MAP2K5: variants seen among roughly 807,000 people sequenced by gnomAD.
MAP2K5 encodes mitogen-activated protein kinase kinase 5.
Under a neutral mutation model 83.1 loss-of-function variants are expected in MAP2K5, and 49 were observed. The ratio of observed to expected loss-of-function variants is 0.59; its 90% CI spans 0.47 to 0.75. The LOEUF (loss-of-function observed/expected upper bound fraction) is 0.75, where lower values mean the gene tolerates loss of function less well. Among genes scored for constraint, MAP2K5 ranks in the 30% least tolerant of loss-of-function variants. The probability of loss-of-function intolerance (pLI) is 0.00; values close to 1 mark genes in which losing one functional copy is unlikely to be tolerated. For synonymous variants in MAP2K5, 202 were observed against 191.8 expected (o/e 1.05, Z -0.44); for missense variants, 457 against 557.5 (o/e 0.82, Z 1.82).
rs780240732 is a variant in MAP2K5, at chr15:67,720,699, G to T, written c.1045-7217G>T. Among the ~76,000 whole-genome samples the T allele has an allele frequency of 1.3e-5, 2 of 152,100 alleles. No homozygotes were observed. Among genetic ancestry groups the T allele is most frequent in the Non-Finnish European group, 2.9e-5 (2 of 68,012 alleles). ...AAATGAGGAAGTTGCCTTGCAGAGCGCTATCAATCACTCAGTGACCATAAC... is the reference window on the plus strand; with the variant it reads ...AAATGAGGAAGTTGCCTTGCAGAGCTCTATCAATCACTCAGTGACCATAAC... On this transcript the variant is annotated intron_variant, in intron 16 of 21. Coordinates refer to ENST00000178640, the MANE Select transcript of MAP2K5 (RefSeq NM_145160.3). This position sits in a 1 kb window ranked among gnomAD's most constrained non-coding sequence, Gnocchi z 5.7.
In MAP2K5 at chr15:67,768,843, A is replaced by G. The variant is rs1469875287; in HGVS notation, c.1135-759A>G. On this transcript the variant is annotated intron_variant, in intron 19 of 21. Coordinates refer to ENST00000178640, the MANE Select transcript of MAP2K5 (RefSeq NM_145160.3). The surrounding 1 kb of genome is among the most constrained non-coding windows in gnomAD (Gnocchi z 4.0). ...CTCTGTCATTCTTGGAAAAACTCCT[A>G]AATTCTTAAAGCCTTCCTTTGCAAA... is the stretch of plus-strand genomic sequence containing the variant. Among the ~76,000 whole-genome samples the G allele has an allele frequency of 6.6e-6, 1 of 152,152 alleles. No individual in the cohort carries two copies. Among genetic ancestry groups the G allele is most frequent in the Non-Finnish European group, 1.5e-5 (1 of 68,018 alleles).
intron 8 of MAP2K5, among the ~76,000 whole-genome samples, chr15:67,616,378 T>C (rs2086055405): frequency 6.6e-6 from 1 of 152,212 alleles, no homozygotes; most frequent in South Asian, 2.1e-4. Flanking sequence ...TTTTAGACAA[T>C]GATTTATTTG....
Position 67,802,733 on chromosome 15 carries a change from C to T in MAP2K5, c.1243-3913C>T, listed in dbSNP as rs898528752. The stretch of plus-strand genomic sequence containing the variant: ...GCGGTCACCGTGGGTGGAAGATGCT[C>T]TTGACAAGCATCTGTATTGGTGCCT... On this transcript the variant is annotated intron_variant, in intron 21 of 21. Transcript: ENST00000178640. The surrounding 1 kb of genome is among the most constrained non-coding windows in gnomAD (Gnocchi z 5.0). Among the ~76,000 whole-genome samples the T allele has an allele frequency of 6.6e-6, 1 of 152,236 alleles. No homozygotes were observed.
chr15:67,702,894 C>G lies in MAP2K5; in HGVS notation c.973-443C>G, dbSNP rs563576943. Among the ~76,000 whole-genome samples the G allele has an allele frequency of 1.3e-5, 2 of 152,268 alleles. No individual in the cohort carries two copies. Among genetic ancestry groups the G allele is most frequent in the South Asian group, 4.1e-4 (2 of 4,822 alleles). The stretch of plus-strand genomic sequence containing the variant: ...CAAATAAAAAATTAAAAGAAACCCT[C>G]CTGTTCCAGACCAATCTATCAAAAT... On this transcript the variant is annotated intron_variant, in intron 15 of 21. Coordinates refer to ENST00000178640, the MANE Select transcript of MAP2K5 (RefSeq NM_145160.3). This position sits in a 1 kb window ranked among gnomAD's most constrained non-coding sequence, Gnocchi z 4.6.
At chr15:67,674,314 G>A (rs940088953) in intron 13 of MAP2K5, among the ~76,000 whole-genome samples, 1 of 152,092 alleles carries the variant, frequency 6.6e-6, no homozygotes, top group Non-Finnish European at 1.5e-5. Flanking sequence ...GGTCTGGAAG[G>A]AGGCATTTAT....
chr15:67,767,281 C>T (rs2141297545), intron 19 of MAP2K5, among the ~76,000 whole-genome samples: 1 of 152,302 alleles, frequency 6.6e-6, no homozygotes, highest in Admixed American at 6.5e-5. Flanking sequence ...CATTAATTTA[C>T]TTTTGATATC....
In MAP2K5 at chr15:67,693,590, T is replaced by A. The variant is rs759893246; in HGVS notation, c.972+22T>A. ...GGCGGTAAGTAAACTTATGCAAAAA[T>A]AATGTTTAAAACCAACATCTTTATC... On this transcript the variant is annotated intron_variant, in intron 15 of 21. Transcript: ENST00000178640. 4 of 1,571,892 alleles carry A rather than the reference T, an allele frequency of 2.5e-6. No individual in the cohort carries two copies. In the Admixed American group the frequency reaches 5.0e-5, roughly 20 times the overall value.
chr15:67,549,538 C>T (rs1307834220), intron 1 of MAP2K5, among the ~76,000 whole-genome samples: 1 of 152,196 alleles, frequency 6.6e-6, no homozygotes, highest in Non-Finnish European at 1.5e-5. Flanking sequence ...CTTCAATGTG[C>T]TAGGTCTAAG....
chr15:67,730,516 T>C (rs1170895027), intron 17 of MAP2K5, among the ~76,000 whole-genome samples: 4 of 152,192 alleles, frequency 2.6e-5, no homozygotes, highest in African/African-American at 9.6e-5. Context: ...TTCTCTACAA[T>C]GTCTCTGAAA....
intron 6 of MAP2K5, among the ~76,000 whole-genome samples, chr15:67,592,269 A>T (rs1361713101): frequency 1.3e-5 from 2 of 152,194 alleles, no homozygotes; most frequent in African/African-American, 2.4e-5. Context: ...AAAATTTATT[A>T]ATTTTATTTG....
intron 16 of MAP2K5, among the ~76,000 whole-genome samples, chr15:67,715,302 T>C (rs2088805236): frequency 6.6e-6 from 1 of 152,140 alleles, no homozygotes; most frequent in South Asian, 2.1e-4. Flanking sequence ...CTTTGGCAGA[T>C]GATGGATTGA....
Position 67,577,915 on chromosome 15 carries a change from G to A in MAP2K5, c.253-2839G>A, listed in dbSNP as rs955659247. On this transcript the variant is annotated intron_variant, in intron 3 of 21. Coordinates refer to ENST00000178640, the MANE Select transcript of MAP2K5 (RefSeq NM_145160.3). The surrounding 1 kb of genome is among the most constrained non-coding windows in gnomAD (Gnocchi z 4.1). ...CTTGGGAGGCTGAGGCAGGAGAATT[G>A]CTTGAACCTGGGAGGTGTAGGTTGC... Among the ~76,000 whole-genome samples the A allele has an allele frequency of 1.3e-5, 2 of 152,122 alleles. No homozygotes were observed. Among genetic ancestry groups the A allele is most frequent in the African/African-American group, 4.8e-5 (2 of 41,424 alleles).
chr15:67,616,829 T>A (rs534563100), intron 8 of MAP2K5, among the ~76,000 whole-genome samples: 2 of 152,222 alleles, frequency 1.3e-5, no homozygotes, highest in Non-Finnish European at 2.9e-5. Context: ...GTGACTGGAT[T>A]ATTTTCTTAG....
rs1306000559 is a variant in MAP2K5, at chr15:67,665,574, G to A, written c.847+929G>A. ...CTGTGATGTCATATCTGTCACTAAG[G>A]GTTGTTTTCTTTTGTGGTGGTTTTA... is the stretch of plus-strand genomic sequence containing the variant. On this transcript the variant is annotated intron_variant, in intron 13 of 21. Coordinates refer to ENST00000178640, the MANE Select transcript of MAP2K5 (RefSeq NM_145160.3). This position sits in a 1 kb window ranked among gnomAD's most constrained non-coding sequence, Gnocchi z 4.2. 1.3e-5 allele frequency among the ~76,000 whole-genome samples: 2 copies of A among 152,084 alleles called. No homozygotes were observed. The highest frequency in any genetic ancestry group is 1.5e-5 in the Non-Finnish European group (1 of 67,998).
rs191403816 is a variant in MAP2K5 at position 67,720,768 on chromosome 15, C to T, written c.1045-7148C>T. ...TTTATGGGCCTTTGCTTCAGTGGCTCGAAAGCACATATGCTCCAGTCACAG... is the reference window on the plus strand; with the variant it reads ...TTTATGGGCCTTTGCTTCAGTGGCTTGAAAGCACATATGCTCCAGTCACAG... On this transcript the variant is annotated intron_variant, in intron 16 of 21. Coordinates refer to ENST00000178640, the MANE Select transcript of MAP2K5 (RefSeq NM_145160.3). The surrounding 1 kb of genome is among the most constrained non-coding windows in gnomAD (Gnocchi z 5.7). Among the ~76,000 whole-genome samples the T allele has an allele frequency of 6.6e-5, 10 of 152,226 alleles. No homozygotes were observed. The highest frequency in any genetic ancestry group is 5.2e-4 in the Admixed American group (8 of 15,292).
At chr15:67,713,675 G>A (rs1009993784) in intron 16 of MAP2K5, among the ~76,000 whole-genome samples, 1 of 151,872 alleles carries the variant, frequency 6.6e-6, no homozygotes, top group Non-Finnish European at 1.5e-5. Context: ...GGCAGAGGTT[G>A]CAGTGAGCCG....
rs1047545845 is a variant in MAP2K5 at position 67,722,330 on chromosome 15, A to G, written c.1045-5586A>G. Reference sequence around the variant, plus strand: ...AGTGCAGCTGCAAACTATAGGCAGAAGATTAAATTAATTTGTAACTCTTTT... The same window carrying G: ...AGTGCAGCTGCAAACTATAGGCAGAGGATTAAATTAATTTGTAACTCTTTT... On this transcript the variant is annotated intron_variant, in intron 16 of 21. Coordinates refer to ENST00000178640, the MANE Select transcript of MAP2K5 (RefSeq NM_145160.3). This position sits in a 1 kb window ranked among gnomAD's most constrained non-coding sequence, Gnocchi z 4.2. Among the ~76,000 whole-genome samples the G allele has an allele frequency of 1.3e-5, 2 of 151,612 alleles. No homozygotes were observed. Among genetic ancestry groups the G allele is most frequent in the African/African-American group, 4.9e-5 (2 of 41,042 alleles).
rs2089608462 is a variant in MAP2K5 at position 67,746,477 on chromosome 15, C to T, written c.1075-1754C>T. Among the ~76,000 whole-genome samples, 1 of 151,854 alleles carries T rather than the reference C, an allele frequency of 6.6e-6. No homozygotes were observed. Among genetic ancestry groups the T allele is most frequent in the Non-Finnish European group, 1.5e-5 (1 of 67,972 alleles). ...TGCTTGAAAAAAAAATAAAAGCAAA[C>T]TCCATAGATATCTCATGTCATAGGA... is the stretch of plus-strand genomic sequence containing the variant. On this transcript the variant is annotated intron_variant, in intron 17 of 21. Coordinates refer to ENST00000178640, the MANE Select transcript of MAP2K5 (RefSeq NM_145160.3). This position sits in a 1 kb window ranked among gnomAD's most constrained non-coding sequence, Gnocchi z 4.1.
chr15:67,679,625 A>G (rs547488549), intron 13 of MAP2K5: 7 of 152,162 alleles, frequency 4.6e-5, no homozygotes, highest in Non-Finnish European at 1.0e-4. Context: ...TATCAGTTCT[A>G]AGAGGAAATA....
Sources: gnomAD v4.1 joint callset for allele counts (sites outside exome capture counted in the v4.1 genomes callset) on GRCh38, gnomAD v4.1.1 for gene constraint, Gnocchi (gnomAD v3.1) non-coding constraint, MANE v1.5 for transcripts, NCBI Gene and HGNC (gene_info 2026-07-23, HGNC 2026-07-21) for gene names.